MACROD2: variants seen among roughly 807,000 people sequenced by gnomAD.
MACROD2 encodes ADP-ribose glycohydrolase MACROD2.
A neutral mutation model predicts 70.4 loss-of-function variants in MACROD2; 36 were observed. The observed-to-expected ratio is 0.51, with a 90% confidence interval of 0.39 to 0.68. MACROD2 has a LOEUF of 0.68. Among genes scored for constraint, MACROD2 ranks in the 30% least tolerant of loss-of-function variants. MACROD2 has a pLI of 0.00. For synonymous variants in MACROD2, 172 were observed against 178.8 expected, an observed-to-expected ratio of 0.96 and a Z score of 0.30; for missense variants, 496 against 538.4, an observed-to-expected ratio of 0.92 and a Z score of 0.78.
intron 4 of MACROD2, among the ~76,000 whole-genome samples, chr20:14,594,772 G>C (rs947909583): frequency 2.0e-5 from 3 of 152,122 alleles, no homozygotes; most frequent in African/African-American, 7.2e-5. Flanking sequence ...TGTACCTATA[G>C]ACCCAGATAC....
intron 5 of MACROD2, among the ~76,000 whole-genome samples, chr20:14,837,627 G>T (rs926217676): frequency 3.3e-5 from 5 of 152,102 alleles, no homozygotes; most frequent in Middle Eastern, 3.4e-3. Flanking sequence ...CTTGAGATAA[G>T]AGTGACCATA....
At chr20:15,365,015 A>G (rs1010470008) in intron 6 of MACROD2, among the ~76,000 whole-genome samples, 1 of 152,246 alleles carries the variant, frequency 6.6e-6, no homozygotes, top group African/African-American at 2.4e-5. Context: ...AAAGGCAGAA[A>G]GAACTTCAAC....
chr20:14,919,480 T>C (rs1409817987), intron 5 of MACROD2, among the ~76,000 whole-genome samples: 6 of 152,234 alleles, frequency 3.9e-5, no homozygotes, highest in Admixed American at 3.9e-4. Context: ...AAACAATCTA[T>C]CTGCTACTTT....
At chr20:15,292,847 ACTT>A (rs1053454824) in intron 6 of MACROD2, among the ~76,000 whole-genome samples, 12 of 151,794 alleles carry the variant, frequency 7.9e-5, no homozygotes, top group African/African-American at 2.7e-4. Context: ...TTCATTTCCT[ACTT>A]CTTTATTACT....
intron 3 of MACROD2, among the ~76,000 whole-genome samples, chr20:14,096,312 T>C (rs1262028986): frequency 1.3e-5 from 2 of 152,098 alleles, no homozygotes; most frequent in Non-Finnish European, 2.9e-5. Flanking sequence ...ATGAATAAAT[T>C]GTAATTTTGA....
At chr20:14,288,736 C>CT (rs144412715) in intron 3 of MACROD2, among the ~76,000 whole-genome samples, 2,295 of 152,314 alleles carry the variant, frequency 0.015, 24 homozygotes, top group African/African-American at 0.027. Flanking sequence ...GAAATCACCC[C>CT]AGGTCCAGGT....
intron 12 of MACROD2, 76 bp downstream of exon 12, chr20:15,937,620 T>C: frequency 7.3e-7 from 1 of 1,374,456 alleles, no homozygotes; most frequent in African/African-American, 1.4e-5. Context: ...CATGGAAAAA[T>C]GAAGCAGCAA....
intron 3 of MACROD2, among the ~76,000 whole-genome samples, chr20:14,489,073 GTCTTTTCTTCAAA>G (rs1192626784): frequency 6.6e-6 from 1 of 152,174 alleles, no homozygotes; most frequent in African/African-American, 2.4e-5. Flanking sequence ...GGAATAATCA[GTCTTTTCTTCAAA>G]TTCTGTAGTA....
At chr20:15,763,660 A>C (rs560231578) in intron 8 of MACROD2, among the ~76,000 whole-genome samples, 13 of 145,164 alleles carry the variant, frequency 9.0e-5, no homozygotes, top group Non-Finnish European at 1.3e-4. Context: ...GACAGAAATC[A>C]GATCCAAATA....
intron 2 of MACROD2, among the ~76,000 whole-genome samples, chr20:14,009,911 A>G (rs2052878107): frequency 6.6e-6 from 1 of 152,192 alleles, no homozygotes; most frequent in Non-Finnish European, 1.5e-5. Flanking sequence ...TTTATGTGGG[A>G]GCAGAATGAT....
intron 8 of MACROD2, among the ~76,000 whole-genome samples, chr20:15,665,615 G>A (rs866345096): frequency 5.3e-5 from 8 of 152,126 alleles, no homozygotes; most frequent in African/African-American, 1.9e-4. Flanking sequence ...ATTTGTCTGT[G>A]CTTCTTCAAC....
chr20:14,244,339 C>G (rs2081952679), intron 3 of MACROD2, among the ~76,000 whole-genome samples: 1 of 151,718 alleles, frequency 6.6e-6, no homozygotes, highest in Non-Finnish European at 1.5e-5. Flanking sequence ...AATGAGGGGA[C>G]TTGAAAGTGA....
At chr20:16,048,512 G>A (rs551480995) in intron 17 of MACROD2, among the ~76,000 whole-genome samples, 7 of 152,182 alleles carry the variant, frequency 4.6e-5, no homozygotes, top group African/African-American at 1.7e-4. Flanking sequence ...GGCAGTGTAG[G>A]GCTGTGTATT....
chr20:14,240,049 A>C (rs1314985313), intron 3 of MACROD2, among the ~76,000 whole-genome samples: 1 of 152,242 alleles, frequency 6.6e-6, no homozygotes, highest in Non-Finnish European at 1.5e-5. Flanking sequence ...ACTTTTCTAA[A>C]GAAGACTTAC....
chr20:15,974,282 T>C lies in MACROD2; in HGVS notation c.985+6652T>C, dbSNP rs192479880. Among the ~76,000 whole-genome samples the C allele has an allele frequency of 1.1e-3, 163 of 151,404 alleles. 7 individuals are homozygous for C. Among genetic ancestry groups the C allele is most frequent in the Admixed American group, 0.011 (163 of 15,266 alleles). ...TTCCAGAAGGAGCAGAGATGAAACA[T>C]AGAAATGAAACTATAAAAATACTAG... On this transcript the variant is annotated intron_variant, in intron 13 of 17. Coordinates refer to ENST00000684519, the MANE Select transcript of MACROD2 (RefSeq NM_001351661.2).
intron 5 of MACROD2, among the ~76,000 whole-genome samples, chr20:14,891,950 A>G (rs1211671059): frequency 6.6e-6 from 1 of 152,102 alleles, no homozygotes; most frequent in African/African-American, 2.4e-5. Context: ...GTTTATAGAA[A>G]AATTAGTTAA....
chr20:15,583,035 GGGA>G (rs2048547946), intron 8 of MACROD2, among the ~76,000 whole-genome samples: 1 of 149,840 alleles, frequency 6.7e-6, no homozygotes, highest in Non-Finnish European at 1.5e-5. Context: ...TGAAGAGAGA[GGGA>G]GGAGAAGAGA....
chr20:15,899,507 G>A (rs1398417868), intron 10 of MACROD2, among the ~76,000 whole-genome samples: 1 of 152,114 alleles, frequency 6.6e-6, no homozygotes, highest in Non-Finnish European at 1.5e-5. Context: ...CATATAATGA[G>A]TTATTTTATA....
intron 5 of MACROD2, among the ~76,000 whole-genome samples, chr20:15,222,557 C>T (rs573735235): frequency 3.3e-5 from 5 of 152,240 alleles, no homozygotes; most frequent in Admixed American, 2.6e-4. Flanking sequence ...CAGTTTAATT[C>T]CATGCATTGG....
Sources: allele counts gnomAD v4.1 joint callset (sites outside exome capture counted in the v4.1 genomes callset), GRCh38; gene constraint gnomAD v4.1.1; transcripts MANE v1.5; gene names NCBI Gene and HGNC (gene_info 2026-07-23, HGNC 2026-07-21).